Variants in ANK2 observed in about 807,000 individuals in gnomAD.
The protein encoded by ANK2 is ankyrin 2.
In ANK2, 83 loss-of-function variants were observed where a neutral mutation model predicts 360.5. The observed-to-expected ratio is 0.23, with a 90% confidence interval of 0.19 to 0.28. The LOEUF is 0.28. Among genes scored for constraint, ANK2 ranks in the 10% least tolerant of loss-of-function variants. The pLI is 1.00. For missense variants in ANK2, 4,201 were observed against 4,795.7 expected (o/e 0.88, Z 3.66); for synonymous variants, 1,740 against 1,759.5 (o/e 0.99, Z 0.28).
At chr4:112,754,828 A>G in the ANK2 span, among the ~76,000 whole-genome samples, 96,371 of 152,078 alleles carry the variant, frequency 0.63, 32,136 homozygotes, top group East Asian at 0.93. Context: ...AGACAAGAGT[A>G]GAGATTTGAG....
chr4:113,247,134 A>G, intron 9 of ANK2, among the ~76,000 whole-genome samples: 1 of 151,396 alleles, frequency 6.6e-6, no homozygotes, highest in East Asian at 1.9e-4. Flanking sequence ...GGTGTATAGT[A>G]CATCCGTGTG....
intron 2 of ANK2, among the ~76,000 whole-genome samples, chr4:112,987,668 A>AT (rs2045396732): frequency 6.6e-6 from 1 of 151,730 alleles, no homozygotes; most frequent in Non-Finnish European, 1.5e-5. Context: ...ATTCAGGAGT[A>AT]TTTTTTCCCT....
rs530695830 is a variant in ANK2, at chr4:113,176,943, C to G, written c.186+2426C>G. Among the ~76,000 whole-genome samples, 5 of 152,218 alleles carry G rather than the reference C, an allele frequency of 3.3e-5. No individual in the cohort carries two copies. In the East Asian group the frequency reaches 7.7e-4, roughly 23 times the overall value. On this transcript the variant is annotated intron_variant, in intron 2 of 45. Coordinates refer to ENST00000357077, the MANE Select transcript of ANK2 (RefSeq NM_001148.6). Reference sequence around the variant, plus strand: ...ATGGTTTCCAGCTTCATCCGTGTCCCTACAAAGGACATGAACTCATCCTTT... The same window carrying G: ...ATGGTTTCCAGCTTCATCCGTGTCCGTACAAAGGACATGAACTCATCCTTT...
At chr4:112,831,766 C>T (rs2059789462) in intron 1 of ANK2, among the ~76,000 whole-genome samples, 1 of 152,182 alleles carries the variant, frequency 6.6e-6, no homozygotes, top group Admixed American at 6.5e-5. Context: ...TAAGCTGTAA[C>T]AGTCACTGTG....
At chr4:113,079,518 T>A (rs1388301110) in intron 1 of ANK2, among the ~76,000 whole-genome samples, 1 of 152,224 alleles carries the variant, frequency 6.6e-6, no homozygotes, top group Non-Finnish European at 1.5e-5. Flanking sequence ...TTTTAAGTTA[T>A]CTGTGGTCAG....
At chr4:113,099,950 T>C (rs1378531799) in intron 1 of ANK2, among the ~76,000 whole-genome samples, 1 of 152,050 alleles carries the variant, frequency 6.6e-6, no homozygotes, top group East Asian at 1.9e-4. Flanking sequence ...GTGGCAGATA[T>C]TATACTTTTC....
At chr4:113,092,191 G>A (rs1462994213) in intron 1 of ANK2, among the ~76,000 whole-genome samples, 1 of 152,154 alleles carries the variant, frequency 6.6e-6, no homozygotes. Flanking sequence ...ATTACGGTGA[G>A]ACTATTTGGA....
At position 113,369,810 on chromosome 4, in the gene ANK2, G is replaced by A. The variant is rs1057524171; in HGVS notation, c.11610+5G>A. On this transcript the variant is annotated splice_donor_5th_base_variant and intron_variant, in intron 43 of 45. Coordinates refer to ENST00000357077, the MANE Select transcript of ANK2 (RefSeq NM_001148.6). ...GAAGATGCAGCTTTTGAAAAGGTAAGACATTCCTCTCCACTTTCTCGCCCA... is the reference window on the plus strand; with the variant it reads ...GAAGATGCAGCTTTTGAAAAGGTAAAACATTCCTCTCCACTTTCTCGCCCA... The A allele has an allele frequency of 3.7e-6, 6 of 1,613,890 alleles. No homozygotes were observed. The highest frequency in any genetic ancestry group is 5.1e-6 in the Non-Finnish European group (6 of 1,180,004).
chr4:112,788,030 A>C, the ANK2 span: 2 of 942,340 alleles, frequency 2.1e-6, no homozygotes, highest in Non-Finnish European at 1.6e-6. Context: ...CTTTGAAGGA[A>C]AATTTGTATT....
chr4:113,025,745 G>C (rs1033669944), intron 2 of ANK2, among the ~76,000 whole-genome samples: 1 of 152,156 alleles, frequency 6.6e-6, no homozygotes, highest in African/African-American at 2.4e-5. Context: ...GGAGATCTGA[G>C]GGTGGAGGGG....
chr4:112,921,379 G>GT (rs61196339), intron 2 of ANK2, among the ~76,000 whole-genome samples: 7,329 of 127,850 alleles, frequency 0.057, 265 homozygotes, highest in East Asian at 0.2. Flanking sequence ...GTTTCTTTAA[G>GT]TTTTTTTTTT....
At chr4:113,268,803 G>C (rs1486649736) in intron 14 of ANK2, among the ~76,000 whole-genome samples, 1 of 152,090 alleles carries the variant, frequency 6.6e-6, no homozygotes, top group African/African-American at 2.4e-5. Context: ...CTGTTGTTTG[G>C]AACAGTTTCA....
intron 2 of ANK2, among the ~76,000 whole-genome samples, chr4:112,926,769 C>T (rs1416576432): frequency 6.6e-6 from 1 of 152,178 alleles, no homozygotes; most frequent in African/African-American, 2.4e-5. Flanking sequence ...AATTTTACTG[C>T]CATGTAAGAT....
chr4:112,756,652 G>A, the ANK2 span, among the ~76,000 whole-genome samples: 1,124 of 152,318 alleles, frequency 7.4e-3, 17 homozygotes, highest in African/African-American at 0.026. Flanking sequence ...GAACACTCGA[G>A]TAAGAGATTT....
intron 9 of ANK2, among the ~76,000 whole-genome samples, chr4:113,243,238 GAA>G (rs2040970862): frequency 6.6e-6 from 1 of 152,116 alleles, no homozygotes; most frequent in Admixed American, 6.6e-5. Context: ...AAAAGCCTAT[GAA>G]AGATGATAAA....
chr4:112,952,666 G>C (rs2095102153), intron 2 of ANK2, among the ~76,000 whole-genome samples: 1 of 152,106 alleles, frequency 6.6e-6, no homozygotes, highest in Non-Finnish European at 1.5e-5. Flanking sequence ...TTAAATAAAA[G>C]GATGAACATG....
intron 2 of ANK2, among the ~76,000 whole-genome samples, chr4:112,951,953 A>T (rs2095049038): frequency 6.6e-6 from 1 of 152,240 alleles, no homozygotes; most frequent in Non-Finnish European, 1.5e-5. Flanking sequence ...ATGCCAATTT[A>T]TTAACCCTTT....
intron 2 of ANK2, among the ~76,000 whole-genome samples, chr4:112,911,283 G>A (rs1287351113): frequency 6.6e-6 from 1 of 150,620 alleles, no homozygotes; most frequent in African/African-American, 2.4e-5. Context: ...CGAGGCGGGC[G>A]GATCACGAGG....
At chr4:113,076,333 G>A (rs1442244366) in intron 1 of ANK2, among the ~76,000 whole-genome samples, 1 of 152,194 alleles carries the variant, frequency 6.6e-6, no homozygotes, top group Non-Finnish European at 1.5e-5. Flanking sequence ...CTAAGGCATT[G>A]TATTCTTAGG....
Sources: gnomAD v4.1 joint callset for allele counts (sites outside exome capture counted in the v4.1 genomes callset) on GRCh38, gnomAD v4.1.1 for gene constraint, MANE v1.5 for transcripts, NCBI Gene and HGNC (gene_info 2026-07-23, HGNC 2026-07-21) for gene names.